Variants in PRRC2C observed in about 807,000 individuals in gnomAD.
The protein encoded by PRRC2C is protein PRRC2C.
Under a neutral mutation model 317.2 loss-of-function variants are expected in PRRC2C, and 72 were observed. The ratio of observed to expected loss-of-function variants is 0.23; its 90% CI spans 0.19 to 0.28. PRRC2C has a LOEUF of 0.28. Ranked by LOEUF, PRRC2C falls within the 10% of genes least tolerant of loss-of-function variation. The pLI is 1.00. For missense variants in PRRC2C, 3,074 were observed against 3,459.7 expected (o/e 0.89, Z 2.80); for synonymous variants, 1,296 against 1,205.9 (o/e 1.07, Z -1.55).
At chr1:171,579,633 A>T (rs235488) in intron 27 of PRRC2C, among the ~76,000 whole-genome samples, 167 bp downstream of exon 27, 1 of 152,180 alleles carries the variant, frequency 6.6e-6, no homozygotes, top group Non-Finnish European at 1.5e-5. Flanking sequence ...ACCAAAGCTT[A>T]ATAGTAATAA....
At chr1:171,499,903 C>G (rs192119662) in intron 1 of PRRC2C, among the ~76,000 whole-genome samples, 25 of 152,308 alleles carry the variant, frequency 1.6e-4, no homozygotes, top group African/African-American at 6.0e-4. Context: ...ATGGTTTACA[C>G]AGATGCTATT....
chr1:171,493,440 A>C (rs141617457), intron 1 of PRRC2C, among the ~76,000 whole-genome samples: 2 of 152,204 alleles, frequency 1.3e-5, no homozygotes, highest in African/African-American at 4.8e-5. Flanking sequence ...CAGGGTTGCA[A>C]AGTGATGGCA....
chr1:171,494,068 A>G (rs2102058507), intron 1 of PRRC2C, among the ~76,000 whole-genome samples: 1 of 152,356 alleles, frequency 6.6e-6, no homozygotes, highest in East Asian at 1.9e-4. Context: ...TTAAACAAAA[A>G]CAGTTTTAAG....
rs562772074 is a variant in PRRC2C at position 171,533,768 on chromosome 1, C to T, written c.1873+807C>T. On this transcript the variant is annotated intron_variant, in intron 12 of 34. Coordinates refer to ENST00000647382, the MANE Select transcript of PRRC2C (RefSeq NM_001387844.1). ...CCTCCCAAGTAGCTGGGGCTACAGG[C>T]GCGTGCCACCGCACCCAGCTAATTT... 4.6e-5 allele frequency among the ~76,000 whole-genome samples: 7 copies of T among 152,224 alleles called. No individual in the cohort carries two copies. In the East Asian group the frequency reaches 5.8e-4, roughly 13 times the overall value.
intron 12 of PRRC2C, among the ~76,000 whole-genome samples, chr1:171,533,290 A>G (rs1306954656): frequency 6.6e-6 from 1 of 152,194 alleles, no homozygotes; most frequent in Non-Finnish European, 1.5e-5. Flanking sequence ...ATTTGTTCAC[A>G]TGCATTAATA....
chr1:171,536,566 T>C (rs1676875871), intron 14 of PRRC2C, among the ~76,000 whole-genome samples: 2 of 152,208 alleles, frequency 1.3e-5, no homozygotes, highest in Non-Finnish European at 2.9e-5. Context: ...TTGTTGTTCT[T>C]CTTTAAAGTG....
intron 15 of PRRC2C, among the ~76,000 whole-genome samples, 181 bp from the exon 16 acceptor site, chr1:171,539,790 G>T (rs1677623435): frequency 6.6e-6 from 1 of 152,084 alleles, no homozygotes; most frequent in Admixed American, 6.6e-5. Context: ...GGATATTTAG[G>T]CTGTTTCCAC....
chr1:171,565,733 A>G (rs1272217514), intron 20 of PRRC2C, among the ~76,000 whole-genome samples: 1 of 152,220 alleles, frequency 6.6e-6, no homozygotes, highest in East Asian at 1.9e-4. Flanking sequence ...GGCATGAGCC[A>G]CCATACCCGG....
chr1:171,515,013 A>G (rs893288403), intron 4 of PRRC2C, among the ~76,000 whole-genome samples: 4 of 152,248 alleles, frequency 2.6e-5, no homozygotes, highest in African/African-American at 9.6e-5. Context: ...TGTTTCAGAC[A>G]TGCTGCCACG....
intron 5 of PRRC2C, 90 bp downstream of exon 5, chr1:171,515,949 T>C (rs1456636914): frequency 7.2e-7 from 1 of 1,390,112 alleles, no homozygotes; most frequent in Admixed American, 2.5e-5. Context: ...CATATATTAT[T>C]TGCCTACTTC....
intron 20 of PRRC2C, among the ~76,000 whole-genome samples, chr1:171,563,168 G>A (rs1231579622): frequency 6.6e-6 from 1 of 151,998 alleles, no homozygotes; most frequent in Admixed American, 6.6e-5. Context: ...GGAAAGATGA[G>A]TACCATTTTC....
chr1:171,514,423 C>A, intron 3 of PRRC2C, 113 bp from the exon 4 acceptor site: 2 of 723,078 alleles, frequency 2.8e-6, no homozygotes, highest in Non-Finnish European at 2.2e-6. Flanking sequence ...GGAGATTTAC[C>A]AATGAATAAA....
intron 31 of PRRC2C, 106 bp downstream of exon 31, chr1:171,587,327 C>G: frequency 9.4e-7 from 1 of 1,069,200 alleles, no homozygotes. Context: ...GTTTTTACCA[C>G]CCTGCAAAAA....
Position 171,526,803 on chromosome 1 carries a change from A to C in PRRC2C, c.1201-988A>C, listed in dbSNP as rs560779250. Among the ~76,000 whole-genome samples, 9 of 85,816 alleles carry C rather than the reference A, an allele frequency of 1.0e-4. 1 individual carries two copies. The highest frequency in any genetic ancestry group is 4.3e-4 in the African/African-American group (9 of 20,996). The allele number at this position is 85,816 out of a possible 152,430, so 56.3% of individuals were successfully genotyped here. ...AGAAAATCATTACATTCAGAAATATATCTTTTTTTTTTTTTTTTTTTTTGA... is the reference window on the plus strand; with the variant it reads ...AGAAAATCATTACATTCAGAAATATCTCTTTTTTTTTTTTTTTTTTTTTGA... On this transcript the variant is annotated intron_variant, in intron 10 of 34. Transcript: ENST00000647382.
intron 1 of PRRC2C, among the ~76,000 whole-genome samples, chr1:171,502,701 A>G (rs1453011020): frequency 1.3e-5 from 2 of 152,142 alleles, no homozygotes; most frequent in Non-Finnish European, 2.9e-5. Context: ...GAACATACCA[A>G]CTACTCTAGT....
At chr1:171,560,453 C>A (rs976070625) in intron 19 of PRRC2C, among the ~76,000 whole-genome samples, 1 of 152,138 alleles carries the variant, frequency 6.6e-6, no homozygotes, top group African/African-American at 2.4e-5. Flanking sequence ...GTATCACATG[C>A]TACAGAGAAT....
At chr1:171,555,356 C>T (rs1245888218) in intron 18 of PRRC2C, among the ~76,000 whole-genome samples, 1 of 152,172 alleles carries the variant, frequency 6.6e-6, no homozygotes, top group African/African-American at 2.4e-5. Flanking sequence ...TCTAGTTAGC[C>T]ATTCGTCTAA....
intron 25 of PRRC2C, among the ~76,000 whole-genome samples, chr1:171,577,120 T>TA (rs1380551361): frequency 1.3e-5 from 2 of 152,248 alleles, no homozygotes; most frequent in African/African-American, 4.8e-5. Flanking sequence ...TTGTGATGAT[T>TA]AAAAAACAAA....
intron 17 of PRRC2C, among the ~76,000 whole-genome samples, chr1:171,548,584 A>G: frequency 6.6e-6 from 1 of 152,034 alleles, no homozygotes; most frequent in East Asian, 1.9e-4. Flanking sequence ...CTCTTTCTTG[A>G]TACTTATTAT....
Sources: allele counts gnomAD v4.1 joint callset (sites outside exome capture counted in the v4.1 genomes callset), GRCh38; gene constraint gnomAD v4.1.1; transcripts MANE v1.5; gene names NCBI Gene and HGNC (gene_info 2026-07-23, HGNC 2026-07-21).